MOB3B: variants seen among roughly 807,000 people sequenced by gnomAD.
MOB3B encodes MOB kinase activator-like 2B.
A neutral mutation model predicts 18.7 loss-of-function variants in MOB3B; 7 were observed. The observed-to-expected ratio is 0.37, with a 90% CI of 0.21 to 0.70. MOB3B has a LOEUF of 0.70. Ranked by LOEUF, MOB3B falls within the 30% of genes least tolerant of loss-of-function variation. MOB3B has a pLI of 0.52. For synonymous variants in MOB3B, 111 were observed against 99.9 expected, an observed-to-expected ratio of 1.11 and a Z score of -0.66; for missense variants, 253 against 281.3, an observed-to-expected ratio of 0.90 and a Z score of 0.72.
intron 2 of MOB3B, among the ~76,000 whole-genome samples, chr9:27,447,069 G>A (rs12344251): frequency 0.052 from 7,946 of 152,054 alleles, 629 homozygotes; most frequent in African/African-American, 0.17. Context: ...GATAACACAC[G>A]TCCTTATGCC....
intron 1 of MOB3B, among the ~76,000 whole-genome samples, chr9:27,502,009 A>T (rs921858920): frequency 6.6e-6 from 1 of 152,182 alleles, no homozygotes; most frequent in African/African-American, 2.4e-5. Flanking sequence ...CAAAGACTAG[A>T]ATCTGACCCT....
intron 2 of MOB3B, among the ~76,000 whole-genome samples, chr9:27,398,766 C>T (rs1167446429): frequency 4.6e-5 from 7 of 152,158 alleles, no homozygotes; most frequent in Non-Finnish European, 1.0e-4. Context: ...TACATATAAT[C>T]AAATACTGTG....
At chr9:27,444,266 A>AGGAAGGAGGGAG (rs1563870197) in intron 2 of MOB3B, among the ~76,000 whole-genome samples, 1 of 126,282 alleles carries the variant, frequency 7.9e-6, no homozygotes, top group African/African-American at 3.2e-5. Flanking sequence ...GAAGGAAGGA[A>AGGAAGGAGGGAG]GGAGGGAGGG....
At chr9:27,413,541 T>C (rs1045154271) in intron 2 of MOB3B, among the ~76,000 whole-genome samples, 1 of 152,188 alleles carries the variant, frequency 6.6e-6, no homozygotes, top group African/African-American at 2.4e-5. Context: ...CGTGGCTAGA[T>C]TTGTTTTTAA....
chr9:27,507,007 T>C (rs1021917732), intron 1 of MOB3B, among the ~76,000 whole-genome samples: 14 of 152,220 alleles, frequency 9.2e-5, no homozygotes, highest in Admixed American at 5.2e-4. Context: ...ACCATAGTCT[T>C]ATGATGTAGT....
At position 27,452,572 on chromosome 9, in the gene MOB3B, A is replaced by T. The variant is rs114867344; in HGVS notation, c.418+2561T>A. ...TCAATTGAAAGAAAATACATAATTT[A>T]AAAATGGGCAAAGGATCTGACATAT... On this transcript the variant is annotated intron_variant, in intron 2 of 3. Transcript: ENST00000262244. Among the ~76,000 whole-genome samples, 910 of 152,340 alleles carry T rather than the reference A, an allele frequency of 6.0e-3. 8 individuals carry two copies. Among genetic ancestry groups the T allele is most frequent in the African/African-American group, 0.021 (886 of 41,568 alleles).
At chr9:27,448,004 T>G (rs1005293930) in intron 2 of MOB3B, among the ~76,000 whole-genome samples, 8 of 151,900 alleles carry the variant, frequency 5.3e-5, no homozygotes, top group Non-Finnish European at 1.2e-4. Flanking sequence ...GGGCCCTGGG[T>G]TTTTTCAAGT....
chr9:27,472,264 TAAAAAC>T, intron 1 of MOB3B, among the ~76,000 whole-genome samples: 1 of 151,118 alleles, frequency 6.6e-6, no homozygotes, highest in East Asian at 1.9e-4. Flanking sequence ...CCACTTTTCT[TAAAAAC>T]AATAAAAGCT....
At chr9:27,336,435 T>A (rs59881563) in intron 3 of MOB3B, among the ~76,000 whole-genome samples, 12,631 of 151,914 alleles carry the variant, frequency 0.083, 1,761 homozygotes, top group African/African-American at 0.29. Context: ...GAGGAAGAAA[T>A]ACTTGAAACA....
intron 1 of MOB3B, among the ~76,000 whole-genome samples, chr9:27,528,500 A>G (rs940195451): frequency 3.3e-5 from 5 of 152,154 alleles, no homozygotes; most frequent in African/African-American, 9.7e-5. Flanking sequence ...GGAAGGAACA[A>G]CTTTCCCTCC....
intron 2 of MOB3B, among the ~76,000 whole-genome samples, chr9:27,390,350 C>A (rs556080291): frequency 1.3e-5 from 2 of 152,294 alleles, no homozygotes; most frequent in South Asian, 4.1e-4. Flanking sequence ...TTACAGGCAC[C>A]CGCCACAACT....
intron 1 of MOB3B, among the ~76,000 whole-genome samples, chr9:27,509,088 C>T (rs536174243): frequency 1.5e-4 from 23 of 152,288 alleles, no homozygotes; most frequent in African/African-American, 4.8e-4. Context: ...ACCATGCCAC[C>T]GTCTAAGTCT....
intron 2 of MOB3B, among the ~76,000 whole-genome samples, chr9:27,454,800 G>T (rs1822843644): frequency 6.6e-6 from 1 of 152,154 alleles, no homozygotes. Flanking sequence ...TGTAACTTTA[G>T]TCAGTTAACC....
At chr9:27,504,303 TG>T (rs1170250434) in intron 1 of MOB3B, among the ~76,000 whole-genome samples, 1 of 152,240 alleles carries the variant, frequency 6.6e-6, no homozygotes, top group African/African-American at 2.4e-5. Flanking sequence ...GTCCTCATTT[TG>T]TGTGGTTCTG....
intron 1 of MOB3B, among the ~76,000 whole-genome samples, chr9:27,527,340 G>A (rs1563891405): frequency 6.6e-6 from 1 of 151,858 alleles, no homozygotes; most frequent in Non-Finnish European, 1.5e-5. Context: ...TTTGTAAAGT[G>A]CCTTGCAGTA....
At chr9:27,427,002 T>A (rs1172356163) in intron 2 of MOB3B, among the ~76,000 whole-genome samples, 2 of 152,174 alleles carry the variant, frequency 1.3e-5, no homozygotes, top group African/African-American at 4.8e-5. Context: ...TAGGTGCCAA[T>A]TTAGGAAGAG....
chr9:27,414,040 C>CA (rs969600467), intron 2 of MOB3B, among the ~76,000 whole-genome samples: 5 of 152,190 alleles, frequency 3.3e-5, no homozygotes, highest in African/African-American at 1.2e-4. Flanking sequence ...TTAGGAGCAA[C>CA]AAATATCTTG....
chr9:27,457,523 T>C (rs1819198760), intron 1 of MOB3B, among the ~76,000 whole-genome samples: 1 of 152,210 alleles, frequency 6.6e-6, no homozygotes, highest in African/African-American at 2.4e-5. Context: ...GACATCCTGA[T>C]TCCCCCTTAT....
intron 3 of MOB3B, among the ~76,000 whole-genome samples, chr9:27,342,463 T>TCGTCTC (rs1255954946): frequency 7.9e-6 from 1 of 126,624 alleles, no homozygotes; most frequent in African/African-American, 3.1e-5. Context: ...TCCCTTTCCC[T>TCGTCTC]CGTCTCCCTC....
Sources: gnomAD v4.1 joint callset for allele counts (sites outside exome capture counted in the v4.1 genomes callset) on GRCh38, gnomAD v4.1.1 for gene constraint, MANE v1.5 for transcripts, NCBI Gene and HGNC (gene_info 2026-07-23, HGNC 2026-07-21) for gene names.